The following PLD5 variants were observed in gnomAD, a reference collection of about 807,000 sequenced individuals.
The protein encoded by PLD5 is phospholipase D family member 5.
A neutral mutation model predicts 61.1 loss-of-function variants in PLD5; 36 were observed. The ratio of observed to expected loss-of-function variants is 0.59; its 90% CI spans 0.45 to 0.78. The LOEUF is 0.78. Among genes scored for constraint, PLD5 ranks in the 30% least tolerant of loss-of-function variants. PLD5 has a pLI of 0.00. For missense variants in PLD5, 515 were observed against 644.4 expected (o/e 0.80, Z 2.17); for synonymous variants, 243 against 242.8 (o/e 1.00, Z -0.01).
intron 6 of PLD5, among the ~76,000 whole-genome samples, chr1:242,119,723 G>T (rs1385766702): frequency 6.6e-6 from 1 of 152,128 alleles, no homozygotes; most frequent in Non-Finnish European, 1.5e-5. Context: ...ATATATTGCT[G>T]GTGGGATTGT....
intron 5 of PLD5, among the ~76,000 whole-genome samples, chr1:242,133,652 T>G (rs1663483361): frequency 6.6e-6 from 1 of 152,170 alleles, no homozygotes; most frequent in Non-Finnish European, 1.5e-5. Context: ...CCTTTCACTG[T>G]AGTCAATGCT....
At chr1:242,466,365 A>G (rs1316745737) in intron 1 of PLD5, among the ~76,000 whole-genome samples, 1 of 152,218 alleles carries the variant, frequency 6.6e-6, no homozygotes, top group Non-Finnish European at 1.5e-5. Flanking sequence ...CAGATTAATA[A>G]TAGTGACTGC....
intron 4 of PLD5, among the ~76,000 whole-genome samples, chr1:242,241,910 T>C (rs887894000): frequency 0.1 from 5,068 of 50,002 alleles, 227 homozygotes; most frequent in African/African-American, 0.16. Flanking sequence ...TATATATATA[T>C]ACTTACTGTA....
intron 7 of PLD5, among the ~76,000 whole-genome samples, chr1:242,109,768 A>G (rs1661336502): frequency 1.3e-5 from 2 of 151,918 alleles, no homozygotes; most frequent in South Asian, 4.1e-4. Context: ...GTCAGTGAGC[A>G]TCTCCTCCAA....
chr1:242,375,410 T>G (rs1432411059), intron 1 of PLD5, among the ~76,000 whole-genome samples: 1 of 152,188 alleles, frequency 6.6e-6, no homozygotes, highest in Non-Finnish European at 1.5e-5. Flanking sequence ...ATTTCATAAC[T>G]GCTTGCCTCC....
chr1:242,485,126 A>G (rs1262089902), intron 1 of PLD5, among the ~76,000 whole-genome samples: 1 of 152,184 alleles, frequency 6.6e-6, no homozygotes, highest in African/African-American at 2.4e-5. Flanking sequence ...AAAAACTGGA[A>G]GCATTCCCTT....
chr1:242,143,563 G>A (rs1308970230), intron 5 of PLD5, among the ~76,000 whole-genome samples: 1 of 152,178 alleles, frequency 6.6e-6, no homozygotes, highest in Non-Finnish European at 1.5e-5. Flanking sequence ...GACATTCCCA[G>A]CAGAAAAACA....
chr1:242,233,589 C>A (rs1671448418), intron 4 of PLD5, among the ~76,000 whole-genome samples: 1 of 151,916 alleles, frequency 6.6e-6, no homozygotes, highest in Admixed American at 6.6e-5. Context: ...GGAGGGAGGG[C>A]TGGCGGCAGG....
intron 7 of PLD5, among the ~76,000 whole-genome samples, chr1:242,109,849 G>A (rs1403253060): frequency 6.6e-6 from 1 of 151,870 alleles, no homozygotes; most frequent in Non-Finnish European, 1.5e-5. Context: ...TCTGCACTCA[G>A]GAGGCTGAGG....
intron 5 of PLD5, among the ~76,000 whole-genome samples, chr1:242,193,359 G>A (rs765011479): frequency 4.9e-4 from 74 of 152,192 alleles, no homozygotes; most frequent in Admixed American, 2.0e-4. Flanking sequence ...AGAATTCAGG[G>A]AGGATTTTCT....
chr1:242,322,425 C>T (rs1322762238), intron 2 of PLD5, among the ~76,000 whole-genome samples: 1 of 152,208 alleles, frequency 6.6e-6, no homozygotes, highest in African/African-American at 2.4e-5. Flanking sequence ...CCCACAGTTG[C>T]TCTCTCTTCC....
At chr1:242,135,306 C>A (rs1663630853) in intron 5 of PLD5, among the ~76,000 whole-genome samples, 1 of 152,152 alleles carries the variant, frequency 6.6e-6, no homozygotes, top group African/African-American at 2.4e-5. Flanking sequence ...AATATTATAA[C>A]TGACCAGACA....
intron 9 of PLD5, among the ~76,000 whole-genome samples, chr1:242,095,193 C>T (rs937382371): frequency 1.3e-5 from 2 of 151,866 alleles, no homozygotes; most frequent in Non-Finnish European, 2.9e-5. Context: ...CCTCAGCTTC[C>T]CAAAGCGCTG....
chr1:242,220,151 T>C, intron 4 of PLD5, 36 bp from the exon 5 acceptor site: 1 of 1,608,130 alleles, frequency 6.2e-7, no homozygotes. Flanking sequence ...AGCCTCTGCG[T>C]CAAGGCCCTG....
intron 5 of PLD5, among the ~76,000 whole-genome samples, chr1:242,208,238 C>G (rs1669569055): frequency 6.6e-6 from 1 of 151,776 alleles, no homozygotes; most frequent in African/African-American, 2.4e-5. Flanking sequence ...GTGAGCTCAC[C>G]CCGCTCACTC....
In PLD5 at chr1:242,480,946, GT is replaced by G. The variant is rs961720380; in HGVS notation, c.189+43141del. Among the ~76,000 whole-genome samples the G allele has an allele frequency of 1.0e-3, 155 of 152,168 alleles. 1 individual carries two copies. The highest frequency in any genetic ancestry group is 1.2e-3 in the South Asian group (6 of 4,816). On this transcript the variant is annotated intron_variant, in intron 1 of 9. Coordinates refer to ENST00000536534, the MANE Select transcript of PLD5 (RefSeq NM_001372062.1). ...CCAATTTAAAAAATAGTCTGGTAGG[GT>G]TTTTTTAATTTTAATAAATAAAAAT...
intron 1 of PLD5, among the ~76,000 whole-genome samples, chr1:242,507,481 T>C (rs909037358): frequency 4.6e-5 from 7 of 152,218 alleles, no homozygotes; most frequent in African/African-American, 9.6e-5. Context: ...CCTTTTACTA[T>C]AGCAATAGTG....
chr1:242,243,757 A>G (rs1337247524), intron 4 of PLD5, among the ~76,000 whole-genome samples: 1 of 152,208 alleles, frequency 6.6e-6, no homozygotes, highest in Non-Finnish European at 1.5e-5. Context: ...GAAAGCTCTC[A>G]GGGCTCCTCT....
Position 242,346,433 on chromosome 1 carries a change from C to A in PLD5, c.326+1673G>T, listed in dbSNP as rs145518806. ...CATTTAAAATACACAGCACTCTTCA[C>A]TTTAAGGTGAGGAGAGAGAGAAGCA... On this transcript the variant is annotated intron_variant, in intron 2 of 9. Coordinates refer to ENST00000536534, the MANE Select transcript of PLD5 (RefSeq NM_001372062.1). 3.7e-3 allele frequency among the ~76,000 whole-genome samples: 557 copies of A among 152,176 alleles called. 8 individuals are homozygous for A. The highest frequency in any genetic ancestry group is 0.013 in the African/African-American group (537 of 41,514).
Sources: gnomAD v4.1 joint callset for allele counts (sites outside exome capture counted in the v4.1 genomes callset) on GRCh38, gnomAD v4.1.1 for gene constraint, MANE v1.5 for transcripts, NCBI Gene and HGNC (gene_info 2026-07-23, HGNC 2026-07-21) for gene names.